Variants in CPEB3 observed in about 807,000 individuals in gnomAD.
CPEB3 encodes the protein cytoplasmic polyadenylation element binding protein 3.
In CPEB3, 20 loss-of-function variants were observed where a neutral mutation model predicts 67.2. That is an observed-to-expected ratio of 0.30 (90% CI 0.21 to 0.43). The LOEUF is 0.43. Ranked by LOEUF, CPEB3 falls within the 20% of genes least tolerant of loss-of-function variation. CPEB3 has a pLI of 1.00. For missense variants in CPEB3, 746 were observed against 968.6 expected, an observed-to-expected ratio of 0.77 and a Z score of 3.05; for synonymous variants, 376 against 393.1, an observed-to-expected ratio of 0.96 and a Z score of 0.51.
chr10:92,224,190 G>A (rs1045980082), intron 2 of CPEB3, among the ~76,000 whole-genome samples: 12 of 152,130 alleles, frequency 7.9e-5, no homozygotes, highest in East Asian at 3.9e-4. Context: ...GTGAGCCACC[G>A]TGCCCCTGAT....
At chr10:92,098,592 T>C (rs533618825) in intron 7 of CPEB3, among the ~76,000 whole-genome samples, 17 of 152,118 alleles carry the variant, frequency 1.1e-4, no homozygotes, top group Non-Finnish European at 2.5e-4. Context: ...TCCCAGGCCT[T>C]TTCCTCACTT....
At chr10:92,166,148 G>A (rs899072700) in intron 4 of CPEB3, among the ~76,000 whole-genome samples, 15 of 149,264 alleles carry the variant, frequency 1.0e-4, no homozygotes, top group South Asian at 4.2e-4. Context: ...TCACTCTGTC[G>A]CCCAGGCTAG....
intron 2 of CPEB3, among the ~76,000 whole-genome samples, chr10:92,214,370 C>T (rs1850240153): frequency 6.6e-6 from 1 of 152,206 alleles, no homozygotes; most frequent in Non-Finnish European, 1.5e-5. Flanking sequence ...CCACTGGCAA[C>T]TTTGATCTTG....
intron 4 of CPEB3, among the ~76,000 whole-genome samples, chr10:92,163,886 T>C (rs1847614027): frequency 6.6e-6 from 1 of 152,170 alleles, no homozygotes; most frequent in African/African-American, 2.4e-5. Flanking sequence ...TAAGTATTTG[T>C]TTTTATTTTT....
chr10:92,172,546 C>T (rs79113317), intron 4 of CPEB3, among the ~76,000 whole-genome samples: 2,598 of 152,250 alleles, frequency 0.017, 43 homozygotes, highest in Non-Finnish European at 0.022. Flanking sequence ...AAAAATCACA[C>T]GGGATTAGGA....
At chr10:92,126,231 C>T (rs1347086723) in intron 6 of CPEB3, among the ~76,000 whole-genome samples, 1 of 152,168 alleles carries the variant, frequency 6.6e-6, no homozygotes, top group Non-Finnish European at 1.5e-5. Context: ...GTTCAAATCC[C>T]TGCAGCTTGC....
intron 1 of CPEB3, among the ~76,000 whole-genome samples, chr10:92,271,788 T>C (rs1425700565): frequency 6.6e-6 from 1 of 152,174 alleles, no homozygotes; most frequent in African/African-American, 2.4e-5. Context: ...GGAGACACTT[T>C]CTATGTAAAT....
chr10:92,186,979 C>A (rs1848724301), intron 3 of CPEB3, among the ~76,000 whole-genome samples: 1 of 152,034 alleles, frequency 6.6e-6, no homozygotes, highest in African/African-American at 2.4e-5. Flanking sequence ...TAGAACTGAG[C>A]AATAATTCAA....
chr10:92,262,277 T>C (rs1293574009), intron 1 of CPEB3, among the ~76,000 whole-genome samples: 1 of 152,186 alleles, frequency 6.6e-6, no homozygotes, highest in East Asian at 1.9e-4. Flanking sequence ...ACATGGGATA[T>C]AAAATCTAAT....
chr10:92,173,602 T>C (rs562086310), intron 4 of CPEB3, among the ~76,000 whole-genome samples: 28 of 152,296 alleles, frequency 1.8e-4, no homozygotes, highest in Admixed American at 1.1e-3. Flanking sequence ...CTCTTAACAA[T>C]TAAGTTTCTA....
intron 1 of CPEB3, among the ~76,000 whole-genome samples, chr10:92,242,515 A>G (rs1284220410): frequency 6.6e-6 from 1 of 152,248 alleles, no homozygotes; most frequent in Non-Finnish European, 1.5e-5. Flanking sequence ...GTAAACCATT[A>G]TAATCTGAGA....
Position 92,239,996 on chromosome 10 carries a change from C to A in CPEB3, c.355G>T (p.Val119Leu). 6.2e-7 allele frequency: 1 copy of A among 1,611,458 alleles called. No individual in the cohort carries two copies. ...ATCCCCTGGAAGAAGCTGTCCTCTA[C>A]CGCGTTGGTGGTGCCCGTGGACCAG... is the stretch of plus-strand genomic sequence containing the variant. ...STWSTGTTNA[V>L]EDSFFQGITP... The change falls in exon 2 of 10, where the codon GTA becomes TTA. Residue 119 changes from valine to leucine, a missense_variant. Physicochemically the swap from Val to Leu is conservative, Grantham distance 32. This residue lies in a region of CPEB3 where 643 missense variants were observed against 717.5 expected (regional missense o/e 0.90). Coordinates refer to ENST00000265997, the MANE Select transcript of CPEB3 (RefSeq NM_014912.5). The surrounding 1 kb of genome is among the most constrained non-coding windows in gnomAD (Gnocchi z 6.0).
chr10:92,104,024 C>T (rs576201257), intron 7 of CPEB3, among the ~76,000 whole-genome samples: 4 of 152,200 alleles, frequency 2.6e-5, no homozygotes, highest in South Asian at 2.1e-4. Context: ...GGAATCTGCA[C>T]GAGTATCATC....
At chr10:92,182,207 GC>G (rs1848490833) in intron 3 of CPEB3, among the ~76,000 whole-genome samples, 1 of 152,104 alleles carries the variant, frequency 6.6e-6, no homozygotes, top group African/African-American at 2.4e-5. Flanking sequence ...ACAGTATTTT[GC>G]GGAGAAAGTA....
At chr10:92,057,378 G>T (rs147555090) in intron 9 of CPEB3, among the ~76,000 whole-genome samples, 48 of 152,354 alleles carry the variant, frequency 3.2e-4, no homozygotes, top group African/African-American at 1.1e-3. Flanking sequence ...GGAAAGGGGA[G>T]GGAAGAGTGG....
At chr10:92,208,915 CTTTG>C (rs966296833) in intron 2 of CPEB3, among the ~76,000 whole-genome samples, 15 of 152,068 alleles carry the variant, frequency 9.9e-5, no homozygotes, top group African/African-American at 3.4e-4. Flanking sequence ...TTGACTCCTC[CTTTG>C]TTTGTCCTCC....
At chr10:92,248,351 T>A (rs1431573751) in intron 1 of CPEB3, among the ~76,000 whole-genome samples, 3 of 152,248 alleles carry the variant, frequency 2.0e-5, no homozygotes, top group Non-Finnish European at 4.4e-5. Context: ...CAAATATTTT[T>A]GATCTGTGGT....
intron 2 of CPEB3, among the ~76,000 whole-genome samples, chr10:92,223,584 T>G (rs1039173461): frequency 7.1e-6 from 1 of 141,600 alleles, no homozygotes; most frequent in African/African-American, 2.6e-5. Context: ...TTTTTTTTTT[T>G]TTTTTTTTTG....
At chr10:92,176,491 C>G (rs1247634245) in intron 4 of CPEB3, among the ~76,000 whole-genome samples, 1 of 152,238 alleles carries the variant, frequency 6.6e-6, no homozygotes, top group Admixed American at 6.5e-5. Context: ...GCTGCATCTT[C>G]AAGTTTCACA....
Sources: gnomAD v4.1 joint callset for allele counts (sites outside exome capture counted in the v4.1 genomes callset) on GRCh38, gnomAD v4.1.1 for gene constraint, gnomAD v4.1.1 regional missense constraint, Gnocchi (gnomAD v3.1) non-coding constraint, MANE v1.5 for transcripts, NCBI Gene and HGNC (gene_info 2026-07-23, HGNC 2026-07-21) for gene names.